SCARA3: variants seen among roughly 807,000 people sequenced by gnomAD.
SCARA3 encodes the protein cellular stress response gene protein.
Under a neutral mutation model 47.0 loss-of-function variants are expected in SCARA3, and 39 were observed. The observed-to-expected ratio is 0.83, with a 90% CI of 0.64 to 1.08. The LOEUF is 1.08. SCARA3 is among the 50% of genes least tolerant of loss of function. The pLI, the probability that SCARA3 is intolerant of heterozygous loss-of-function variation, is 0.00. For synonymous variants in SCARA3, 356 were observed against 334.1 expected (o/e 1.07, Z -0.71); for missense variants, 724 against 792.3 (o/e 0.91, Z 1.04).
intron 4 of SCARA3, 68 bp from the exon 5 acceptor site, chr8:27,658,428 T>G: frequency 7.2e-7 from 1 of 1,397,310 alleles, no homozygotes; most frequent in South Asian, 1.4e-5. Flanking sequence ...CTGAAATATT[T>G]AATTTAAAGA....
At chr8:27,645,764 A>G (rs566611290) in intron 1 of SCARA3, among the ~76,000 whole-genome samples, 8 of 152,272 alleles carry the variant, frequency 5.3e-5, no homozygotes, top group African/African-American at 1.9e-4. Context: ...GGGGAAGGAA[A>G]TTCTTTTCCC....
intron 5 of SCARA3, among the ~76,000 whole-genome samples, 188 bp from the exon 6 acceptor site, chr8:27,670,712 C>T (rs1197013758): frequency 6.6e-6 from 1 of 152,066 alleles, no homozygotes; most frequent in Non-Finnish European, 1.5e-5. Context: ...CTTCTCGAAG[C>T]TGGCCAGCCC....
In SCARA3 at chr8:27,671,774, A is replaced by T. The variant is rs1802172890; in HGVS notation, c.*423A>T. 1 of 996,764 alleles carries T rather than the reference A, an allele frequency of 1.0e-6. No homozygotes were observed. The highest frequency in any genetic ancestry group is 5.0e-4 in the Middle Eastern group (1 of 1,982). The allele number at this position is 996,764 out of a possible 1,614,324, so 61.7% of individuals were successfully genotyped here. On this transcript the variant is annotated 3_prime_UTR_variant, in exon 6 of 6. Transcript: ENST00000301904. ...CACAGGCACACACATGTACGCACAC[A>T]CACATGCACTGCACACATATCCATG...
chr8:27,677,741 G>C (rs1258747462), downstream of SCARA3, among the ~76,000 whole-genome samples: 1 of 152,188 alleles, frequency 6.6e-6, no homozygotes, highest in African/African-American at 2.4e-5. Context: ...AGCTGTGGGT[G>C]AAGATCATTC....
the SCARA3 span, among the ~76,000 whole-genome samples, chr8:27,707,481 A>AG: frequency 8.3e-3 from 2 of 242 alleles, no homozygotes; most frequent in South Asian, 0.5. Flanking sequence ...TTAATAAGTC[A>AG]AAAAAAAACA....
the SCARA3 span, among the ~76,000 whole-genome samples, chr8:27,700,876 T>C: frequency 6.6e-6 from 1 of 152,200 alleles, no homozygotes; most frequent in African/African-American, 2.4e-5. Context: ...AGTTAGGTGA[T>C]TTCCTATAAA....
intron 3 of SCARA3, among the ~76,000 whole-genome samples, chr8:27,654,601 TA>T (rs11453615): frequency 1.2e-4 from 18 of 149,450 alleles, no homozygotes; most frequent in African/African-American, 2.5e-4. Flanking sequence ...TCATTTCAAT[TA>T]AAAAAAAAAT....
the SCARA3 span, among the ~76,000 whole-genome samples, chr8:27,719,332 G>C: frequency 1.3e-5 from 2 of 152,132 alleles, no homozygotes; most frequent in Non-Finnish European, 2.9e-5. Flanking sequence ...TAAATAATGA[G>C]AACACGTGGA....
chr8:27,707,471 T>A, the SCARA3 span, among the ~76,000 whole-genome samples: 1 of 38,842 alleles, frequency 2.6e-5, no homozygotes, highest in Admixed American at 3.9e-4. Context: ...ATTTTGAAAA[T>A]TAATAAGTCA....
At chr8:27,643,575 C>A (rs1192139681) in intron 1 of SCARA3, among the ~76,000 whole-genome samples, 1 of 152,178 alleles carries the variant, frequency 6.6e-6, no homozygotes, top group Non-Finnish European at 1.5e-5. Context: ...GGCGGAAGGG[C>A]TCTAATGAAA....
downstream of SCARA3, among the ~76,000 whole-genome samples, chr8:27,678,129 T>A (rs1223725004): frequency 6.6e-6 from 1 of 151,998 alleles, no homozygotes; most frequent in African/African-American, 2.4e-5. Flanking sequence ...AACTTTAACC[T>A]TAAAGTTTAA....
At chr8:27,701,091 AAAAAAAAC>A in the SCARA3 span, 1 of 152,050 alleles carries the variant, frequency 6.6e-6, no homozygotes, top group Admixed American at 6.6e-5. Flanking sequence ...TCACCAGTAA[AAAAAAAAC>A]AAAAAAACTA....
chr8:27,658,703 T>C lies in SCARA3; in HGVS notation c.533T>C (p.Ile178Thr). 1 of 1,614,038 alleles carries C rather than the reference T, an allele frequency of 6.2e-7. No homozygotes were observed. Among genetic ancestry groups the C allele is most frequent in the Admixed American group, 1.7e-5 (1 of 60,004 alleles). ...SQEMGSCSFS[I>T]HQVNQSLGLF... ...GAGATGGGCAGTTGCTCCTTCTCCA[T>C]CCACCAGGTTAACCAGTCTCTGGGG... The change falls in exon 5 of 6, where the codon ATC becomes ACC. Residue 178 changes from isoleucine to threonine, a missense_variant. Physicochemically the swap from Ile to Thr is moderately conservative, Grantham distance 89. Transcript: ENST00000301904.
chr8:27,702,690 AG>A, the SCARA3 span: 1 of 152,518 alleles, frequency 6.6e-6, no homozygotes, highest in African/African-American at 2.4e-5. Context: ...AGTGTCTGGC[AG>A]GGAGCTGCGT....
In SCARA3 at chr8:27,672,330, C is replaced by G; in HGVS notation, c.*979C>G. 1.0e-6 allele frequency: 1 copy of G among 985,468 alleles called. No homozygotes were observed. The highest frequency in any genetic ancestry group is 5.2e-4 in the Middle Eastern group (1 of 1,914). The allele number at this position is 985,468 out of a possible 1,614,324, so 61.0% of individuals were successfully genotyped here. A position where few individuals can be genotyped will look rare whatever the true frequency, so the allele number is the denominator to read the frequency against. ...CATCTGCATGGGGGCACTCTGCAGG[C>G]CCTGGAACATTGGGCCTGAGTGGAG... On this transcript the variant is annotated 3_prime_UTR_variant, in exon 6 of 6. Transcript: ENST00000301904.
chr8:27,645,266 A>G (rs1801469163), intron 1 of SCARA3, among the ~76,000 whole-genome samples: 1 of 152,254 alleles, frequency 6.6e-6, no homozygotes, highest in Non-Finnish European at 1.5e-5. Context: ...TGAGCTCCTG[A>G]TTAAAATAGC....
Position 27,658,773 on chromosome 8 carries a change from C to G in SCARA3, c.603C>G (p.Gly201=). ...QVRGWQATTA[G]LDLSLKDLTQ... is the part of the protein sequence containing the mutation. The stretch of plus-strand genomic sequence containing the variant: ...GAGGCTGGCAGGCCACCACAGCTGG[C>G]CTGGACCTCTCTCTGAAGGACCTCA... Residue 201 remains glycine (G), a synonymous_variant, in exon 5 of 6, where the codon GGC becomes GGG. Coordinates refer to ENST00000301904, the MANE Select transcript of SCARA3 (RefSeq NM_016240.3). The G allele has an allele frequency of 1.2e-5, 19 of 1,614,110 alleles. No homozygotes were observed. Among genetic ancestry groups the G allele is most frequent in the Non-Finnish European group, 1.6e-5 (19 of 1,179,976 alleles).
the SCARA3 span, among the ~76,000 whole-genome samples, chr8:27,681,852 A>G: frequency 8.5e-5 from 13 of 152,250 alleles, no homozygotes; most frequent in African/African-American, 3.1e-4. Flanking sequence ...AAATTGATCT[A>G]TAGTCAATGT....
the SCARA3 span, among the ~76,000 whole-genome samples, chr8:27,725,010 G>A: frequency 2.6e-5 from 4 of 152,078 alleles, no homozygotes; most frequent in Non-Finnish European, 4.4e-5. Flanking sequence ...AGGAAGAATC[G>A]GTGGTGGCTC....
Sources: gnomAD v4.1 joint callset for allele counts (sites outside exome capture counted in the v4.1 genomes callset) on GRCh38, gnomAD v4.1.1 for gene constraint, MANE v1.5 for transcripts, NCBI Gene and HGNC (gene_info 2026-07-23, HGNC 2026-07-21) for gene names.